The following ABTB2 variants were observed in gnomAD, a reference collection of about 807,000 sequenced individuals.
ABTB2 encodes the protein ankyrin repeat and BTB domain containing 2, also known as ankyrin repeat and BTB/POZ domain-containing protein 2.
ABTB2 carries 56 observed loss-of-function variants against 104.1 expected under a neutral mutation model. The ratio of observed to expected loss-of-function variants is 0.54; its 90% confidence interval spans 0.43 to 0.67. ABTB2 has a LOEUF of 0.67. Ranked by LOEUF, ABTB2 falls within the 30% of genes least tolerant of loss-of-function variation. ABTB2 has a pLI of 0.00. For synonymous variants in ABTB2, 606 were observed against 608.2 expected, an observed-to-expected ratio of 1.00 and a Z score of 0.05; for missense variants, 1,279 against 1,407.7, an observed-to-expected ratio of 0.91 and a Z score of 1.46.
intron 1 of ABTB2, among the ~76,000 whole-genome samples, chr11:34,220,135 T>A (rs894674564): frequency 3.9e-5 from 6 of 152,210 alleles, no homozygotes; most frequent in Non-Finnish European, 7.3e-5. Flanking sequence ...CATTCCCAGA[T>A]GGGTATATCC....
rs550702778 is a variant in ABTB2, at chr11:34,348,338, GCTT to G, written c.883+8360_883+8362del. Among the ~76,000 whole-genome samples, 27 of 152,268 alleles carry G rather than the reference GCTT, an allele frequency of 1.8e-4. No individual in the cohort carries two copies. The South Asian group carries it at 5.6e-3, about 32-fold the overall frequency. On this transcript the variant is annotated intron_variant, in intron 1 of 16. Coordinates refer to ENST00000435224, the MANE Select transcript of ABTB2 (RefSeq NM_145804.3). ...AAACTCTCATCCTGTACTCTGGCAG[GCTT>G]CTTAACATCTGGATAAAAGATGTGG...
At chr11:34,321,109 G>A (rs1024819707) in intron 1 of ABTB2, among the ~76,000 whole-genome samples, 2 of 152,200 alleles carry the variant, frequency 1.3e-5, no homozygotes, top group African/African-American at 4.8e-5. Context: ...TTGAACCCAG[G>A]AGGCGGAGGT....
At chr11:34,311,738 TTTCTC>T (rs1459071843) in intron 1 of ABTB2, among the ~76,000 whole-genome samples, 1 of 152,206 alleles carries the variant, frequency 6.6e-6, no homozygotes, top group Non-Finnish European at 1.5e-5. Flanking sequence ...TTATTACACT[TTTCTC>T]TTTTGAGATA....
At chr11:34,306,052 A>T (rs1193866847) in intron 1 of ABTB2, among the ~76,000 whole-genome samples, 1 of 152,162 alleles carries the variant, frequency 6.6e-6, no homozygotes, top group Non-Finnish European at 1.5e-5. Flanking sequence ...ATTCTAAAAC[A>T]TACCAAAGTC....
At position 34,270,910 on chromosome 11, in the gene ABTB2, C is replaced by T. The variant is rs547897372; in HGVS notation, c.884-66220G>A. Among the ~76,000 whole-genome samples the T allele has an allele frequency of 3.9e-5, 6 of 152,272 alleles. No individual in the cohort carries two copies. The East Asian group carries it at 1.2e-3, about 29-fold the overall frequency. On this transcript the variant is annotated intron_variant, in intron 1 of 16. Transcript: ENST00000435224. ...CTAGGCTACTGTGTGACGCCTTTTGCCCTGAGGGCTGCCTCTTGACTTTAG... is the reference window on the plus strand; with the variant it reads ...CTAGGCTACTGTGTGACGCCTTTTGTCCTGAGGGCTGCCTCTTGACTTTAG...
intron 1 of ABTB2, among the ~76,000 whole-genome samples, chr11:34,265,661 GA>G (rs1233763258): frequency 8.4e-3 from 215 of 25,668 alleles, no homozygotes; most frequent in East Asian, 0.023. Context: ...TCTGTCTCAA[GA>G]AAAAAAAAAA....
intron 3 of ABTB2, among the ~76,000 whole-genome samples, chr11:34,183,334 A>C (rs757902397): frequency 6.6e-6 from 1 of 152,220 alleles, no homozygotes; most frequent in Non-Finnish European, 1.5e-5. Flanking sequence ...CCCTGGACTC[A>C]AGCCAACTGC....
intron 1 of ABTB2, among the ~76,000 whole-genome samples, chr11:34,234,289 G>C (rs1853811466): frequency 6.6e-6 from 1 of 152,176 alleles, no homozygotes; most frequent in South Asian, 2.1e-4. Context: ...ACTCAAGGAG[G>C]CCTAAGGAAA....
chr11:34,264,338 C>T (rs920843942), intron 1 of ABTB2, among the ~76,000 whole-genome samples: 55 of 152,178 alleles, frequency 3.6e-4, no homozygotes, highest in Non-Finnish European at 1.6e-4. Context: ...AGGCACATGG[C>T]GATGTGTCTC....
chr11:34,323,776 C>G (rs1459369878), intron 1 of ABTB2, among the ~76,000 whole-genome samples: 4 of 152,142 alleles, frequency 2.6e-5, no homozygotes, highest in African/African-American at 7.2e-5. Context: ...AAATTAGCAC[C>G]AGGTGTATGG....
At position 34,306,236 on chromosome 11, in the gene ABTB2, A is replaced by ATTTTTTTT. The variant is rs34872949; in HGVS notation, c.883+50457_883+50464dup. ...TCCCACTAGCTGCCTGGAAAGTTTG[A>ATTTTTTTT]TTTTTTTTTTTTTTTTTTTTTTTTT... On this transcript the variant is annotated intron_variant, in intron 1 of 16. Transcript: ENST00000435224. Among the ~76,000 whole-genome samples, 29 of 71,970 alleles carry ATTTTTTTT rather than the reference A, an allele frequency of 4.0e-4. 1 individual carries two copies. The highest frequency in any genetic ancestry group is 2.1e-3 in the East Asian group (4 of 1,944). 47.2% of individuals were successfully genotyped at this position (71,970 alleles called of 152,430 possible). A position where few individuals can be genotyped will look rare whatever the true frequency, so the allele number is the denominator to read the frequency against.
intron 1 of ABTB2, among the ~76,000 whole-genome samples, chr11:34,239,703 C>A (rs550953137): frequency 1.3e-5 from 2 of 152,154 alleles, no homozygotes; most frequent in Non-Finnish European, 1.5e-5. Flanking sequence ...GACTGCAAGA[C>A]AGGCCTTTCT....
rs571700179 is a variant in ABTB2, at chr11:34,236,076, C to A, written c.884-31386G>T. Among the ~76,000 whole-genome samples, 100 of 152,096 alleles carry A rather than the reference C, an allele frequency of 6.6e-4. 1 individual carries two copies. The highest frequency in any genetic ancestry group is 4.1e-3 in the South Asian group (20 of 4,822). On this transcript the variant is annotated intron_variant, in intron 1 of 16. Coordinates refer to ENST00000435224, the MANE Select transcript of ABTB2 (RefSeq NM_145804.3). ...TCGGGTGCAGGCTGGTGGGTACACC[C>A]CTGCAAGGAAGAGAAGGGTAAAGGC...
In ABTB2 at chr11:34,356,690, C is replaced by A. The variant is rs1855468242; in HGVS notation, c.883+11G>T. ...CTACCCAGTCTGCCAGTCCGAGGCC[C>A]GCGCGCTTACCATTGGCGTTCTTGC... On this transcript the variant is annotated intron_variant, in intron 1 of 16. Coordinates refer to ENST00000435224, the MANE Select transcript of ABTB2 (RefSeq NM_145804.3). The surrounding 1 kb of genome is among the most constrained non-coding windows in gnomAD (Gnocchi z 4.6). 7 of 1,570,286 alleles carry A rather than the reference C, an allele frequency of 4.5e-6. No homozygotes were observed. Among genetic ancestry groups the A allele is most frequent in the Non-Finnish European group, 6.1e-6 (7 of 1,150,682 alleles).
intron 1 of ABTB2, among the ~76,000 whole-genome samples, chr11:34,221,400 G>A (rs973032314): frequency 2.0e-5 from 3 of 152,214 alleles, no homozygotes; most frequent in Non-Finnish European, 4.4e-5. Flanking sequence ...GTGGGAGCTG[G>A]AATTTCAACA....
intron 5 of ABTB2, among the ~76,000 whole-genome samples, chr11:34,169,774 C>A (rs1185635299): frequency 6.6e-6 from 1 of 152,138 alleles, no homozygotes; most frequent in Non-Finnish European, 1.5e-5. Context: ...TGCCCCACCC[C>A]ACACTCCTTA....
intron 1 of ABTB2, among the ~76,000 whole-genome samples, chr11:34,248,088 A>ATTTTTTTTTTTTTT (rs377220875): frequency 5.2e-4 from 41 of 78,356 alleles, no homozygotes; most frequent in African/African-American, 1.8e-3. Context: ...CTTATCTATA[A>ATTTTTTTTTTTTTT]TTTTTCTTAA....
chr11:34,274,740 G>GAA (rs1854364220), intron 1 of ABTB2, among the ~76,000 whole-genome samples: 1 of 152,094 alleles, frequency 6.6e-6, no homozygotes, highest in Admixed American at 6.6e-5. Flanking sequence ...TGGTTCTGCA[G>GAA]AACCCTGTTT....
At chr11:34,239,370 G>T (rs1411322571) in intron 1 of ABTB2, among the ~76,000 whole-genome samples, 2 of 152,002 alleles carry the variant, frequency 1.3e-5, no homozygotes, top group African/African-American at 4.8e-5. Context: ...TGGAGACAGG[G>T]TGCCCCATGC....
Sources: allele counts gnomAD v4.1 joint callset (sites outside exome capture counted in the v4.1 genomes callset), GRCh38; gene constraint gnomAD v4.1.1; non-coding constraint Gnocchi (gnomAD v3.1); transcripts MANE v1.5; gene names NCBI Gene and HGNC (gene_info 2026-07-23, HGNC 2026-07-21).